COL23A1: variants seen among roughly 807,000 people sequenced by gnomAD.
COL23A1 encodes collagen type XXIII alpha 1 chain, also known as collagen alpha-1(XXIII) chain.
In COL23A1, 97 loss-of-function variants were observed where a neutral mutation model predicts 99.3. The ratio of observed to expected loss-of-function variants is 0.98; its 90% CI spans 0.83 to 1.16. The LOEUF is 1.16. COL23A1 is among the 50% of genes most tolerant of loss of function. The probability of loss-of-function intolerance (pLI) is 0.00; values close to 1 mark genes in which losing one functional copy is unlikely to be tolerated. For missense variants in COL23A1, 762 were observed against 757.4 expected, an observed-to-expected ratio of 1.01 and a Z score of -0.07; for synonymous variants, 320 against 308.2, an observed-to-expected ratio of 1.04 and a Z score of -0.40.
intron 2 of COL23A1, among the ~76,000 whole-genome samples, chr5:178,443,928 A>G (rs1767021589): frequency 6.6e-6 from 1 of 152,226 alleles, no homozygotes; most frequent in Non-Finnish European, 1.5e-5. Flanking sequence ...TGGGCTGGGC[A>G]CAGAGGCTCA....
At chr5:178,533,585 C>T (rs889252496) in intron 2 of COL23A1, among the ~76,000 whole-genome samples, 15 of 152,168 alleles carry the variant, frequency 9.9e-5, no homozygotes, top group African/African-American at 2.9e-4. Context: ...GCAACCTTCA[C>T]CTCCCAGGTT....
At chr5:178,371,677 C>T (rs1327341253) in intron 2 of COL23A1, among the ~76,000 whole-genome samples, 1 of 152,182 alleles carries the variant, frequency 6.6e-6, no homozygotes, top group Admixed American at 6.5e-5. Context: ...AGTTCTCCCT[C>T]CTGTGACAGG....
chr5:178,382,525 G>A (rs1181591211), intron 2 of COL23A1, among the ~76,000 whole-genome samples: 4 of 152,194 alleles, frequency 2.6e-5, no homozygotes, highest in Non-Finnish European at 5.9e-5. Flanking sequence ...CCTGAGGGTA[G>A]GCGACGGGGA....
intron 2 of COL23A1, among the ~76,000 whole-genome samples, chr5:178,325,220 T>C (rs528865556): frequency 6.6e-6 from 1 of 152,172 alleles, no homozygotes; most frequent in African/African-American, 2.4e-5. Flanking sequence ...TCTTGCCTCC[T>C]TCCTCTCATT....
chr5:178,421,766 G>C (rs1765643696), intron 2 of COL23A1, among the ~76,000 whole-genome samples: 1 of 152,206 alleles, frequency 6.6e-6, no homozygotes, highest in Non-Finnish European at 1.5e-5. Context: ...CTACTCAGAA[G>C]GCTGAGGCAT....
chr5:178,270,851 G>A lies in COL23A1; in HGVS notation c.442-488C>T, dbSNP rs560197627. Among the ~76,000 whole-genome samples, 4 of 152,356 alleles carry A rather than the reference G, an allele frequency of 2.6e-5. No homozygotes were observed. In the South Asian group the frequency reaches 8.3e-4, roughly 32 times the overall value. On this transcript the variant is annotated intron_variant, in intron 5 of 28. Coordinates refer to ENST00000390654, the MANE Select transcript of COL23A1 (RefSeq NM_173465.4). Reference sequence around the variant, plus strand: ...GCTGAGAGACAGAGAGAAAGACAGCGTCGAGGGCCTGAAGCTGAAACTACC... The same window carrying A: ...GCTGAGAGACAGAGAGAAAGACAGCATCGAGGGCCTGAAGCTGAAACTACC...
intron 2 of COL23A1, among the ~76,000 whole-genome samples, chr5:178,371,116 A>G (rs1762778528): frequency 6.6e-6 from 1 of 152,278 alleles, no homozygotes; most frequent in Non-Finnish European, 1.5e-5. Context: ...GACATGTATC[A>G]GAAACATCAT....
At chr5:178,537,138 G>A (rs996083120) in intron 2 of COL23A1, among the ~76,000 whole-genome samples, 1 of 152,218 alleles carries the variant, frequency 6.6e-6, no homozygotes, top group African/African-American at 2.4e-5. Context: ...CGTAGAGGGA[G>A]GGGGTCCCAC....
chr5:178,302,175 CTG>C (rs1225089329), intron 3 of COL23A1, among the ~76,000 whole-genome samples: 31 of 45,832 alleles, frequency 6.8e-4, no homozygotes, highest in South Asian at 1.3e-3. Context: ...AGCTTCAATG[CTG>C]CACCTCTGTG....
chr5:178,577,490 C>T (rs1763437255), intron 1 of COL23A1, among the ~76,000 whole-genome samples: 2 of 152,238 alleles, frequency 1.3e-5, no homozygotes, highest in South Asian at 4.1e-4. Context: ...TAGGGGGAAG[C>T]TCAGGCACTC....
chr5:178,537,705 CT>C (rs1761055592), intron 2 of COL23A1, among the ~76,000 whole-genome samples: 1 of 152,230 alleles, frequency 6.6e-6, no homozygotes, highest in African/African-American at 2.4e-5. Context: ...TTTACTGAAA[CT>C]GTGTGTGCAA....
rs1764166946 is a variant in COL23A1, at chr5:178,589,660, C to G, written c.294+244G>C. ...AGTCCCTGGTCTCTCCTTCCCCTTT[C>G]TCGCGGCCGCCTGCCTGGCACGGGA... On this transcript the variant is annotated intron_variant, in intron 1 of 28. Coordinates refer to ENST00000390654, the MANE Select transcript of COL23A1 (RefSeq NM_173465.4). This position sits in a 1 kb window ranked among gnomAD's most constrained non-coding sequence, Gnocchi z 5.4. Among the ~76,000 whole-genome samples the G allele has an allele frequency of 6.6e-6, 1 of 152,210 alleles. No homozygotes were observed. The highest frequency in any genetic ancestry group is 2.1e-4 in the South Asian group (1 of 4,836).
rs534107555 is a variant in COL23A1 at position 178,380,340 on chromosome 5, G to T, written c.362-73421C>A. Among the ~76,000 whole-genome samples, 7 of 152,038 alleles carry T rather than the reference G, an allele frequency of 4.6e-5. No individual in the cohort carries two copies. In the South Asian group the frequency reaches 1.5e-3, roughly 32 times the overall value. On this transcript the variant is annotated intron_variant, in intron 2 of 28. Transcript: ENST00000390654. ...AGGCGGGGCCCAGCAGTGGGATGTG[G>T]ACACTCCAGTGCAGCCACGTAAAAC... is the stretch of plus-strand genomic sequence containing the variant.
At chr5:178,406,260 T>C (rs1329203552) in intron 2 of COL23A1, among the ~76,000 whole-genome samples, 4 of 151,962 alleles carry the variant, frequency 2.6e-5, no homozygotes, top group Non-Finnish European at 2.9e-5. Flanking sequence ...AAAAGATGTA[T>C]ATGAAGGAAG....
chr5:178,249,716 A>ACACACACACACACACTCTCTCTCT, intron 18 of COL23A1, among the ~76,000 whole-genome samples: 2 of 92,750 alleles, frequency 2.2e-5, no homozygotes, highest in African/African-American at 8.5e-5. Flanking sequence ...ACACACACAC[A>ACACACACACACACACTCTCTCTCT]CTCTCTCTCT....
intron 1 of COL23A1, among the ~76,000 whole-genome samples, chr5:178,580,277 G>A (rs910560195): frequency 4.0e-5 from 6 of 151,346 alleles, no homozygotes; most frequent in African/African-American, 2.4e-5. Flanking sequence ...GCAGTGAGCC[G>A]AGATCGTGCC....
chr5:178,579,667 T>C (rs574885888), intron 1 of COL23A1, among the ~76,000 whole-genome samples: 1 of 152,260 alleles, frequency 6.6e-6, no homozygotes, highest in Admixed American at 6.5e-5. Flanking sequence ...TTTGCCAGGC[T>C]GGTCTCGAAC....
chr5:178,407,969 C>A (rs1764851011), intron 2 of COL23A1, among the ~76,000 whole-genome samples: 1 of 152,076 alleles, frequency 6.6e-6, no homozygotes, highest in Non-Finnish European at 1.5e-5. Flanking sequence ...AAGACCTGGG[C>A]CTACCAATTT....
chr5:178,380,393 TTGTGTGTGTGTGTGTG>T (rs112420315), intron 2 of COL23A1, among the ~76,000 whole-genome samples: 1 of 147,130 alleles, frequency 6.8e-6, no homozygotes, highest in African/African-American at 2.5e-5. Flanking sequence ...GAGCATGCAT[TTGTGTGTGTGTGTGTG>T]TGTGTGTGTG....
Sources: gnomAD v4.1 joint callset for allele counts (sites outside exome capture counted in the v4.1 genomes callset) on GRCh38, gnomAD v4.1.1 for gene constraint, Gnocchi (gnomAD v3.1) non-coding constraint, MANE v1.5 for transcripts, NCBI Gene and HGNC (gene_info 2026-07-23, HGNC 2026-07-21) for gene names.